ZNF341: variants seen among roughly 807,000 people sequenced by gnomAD.
ZNF341 encodes zinc finger protein 341.
A neutral mutation model predicts 87.7 loss-of-function variants in ZNF341; 52 were observed. The observed-to-expected ratio is 0.59, with a 90% CI of 0.47 to 0.75. The LOEUF is 0.75. Ranked by LOEUF, ZNF341 falls within the 30% of genes least tolerant of loss-of-function variation. The pLI is 0.00. For missense variants in ZNF341, 977 were observed against 1,145.9 expected, an observed-to-expected ratio of 0.85 and a Z score of 2.13; for synonymous variants, 459 against 472.7, an observed-to-expected ratio of 0.97 and a Z score of 0.38.
intron 14 of ZNF341, among the ~76,000 whole-genome samples, chr20:33,790,299 C>T (rs978953244): frequency 6.6e-6 from 1 of 152,126 alleles, no homozygotes; most frequent in Non-Finnish European, 1.5e-5. Flanking sequence ...TGTCGAACTC[C>T]TGACCTCAAG....
At position 33,745,318 on chromosome 20, in the gene ZNF341, A is replaced by G. The variant is rs2018895794; in HGVS notation, c.339+19A>G. On this transcript the variant is annotated intron_variant, in intron 3 of 14. Transcript: ENST00000375200. ...TCGCCAGGTATTTGTTCATTTATTC[A>G]TTCAACATGTCTTTTTTGAGGGCCT... 6.2e-7 allele frequency: 1 copy of G among 1,605,636 alleles called. No homozygotes were observed. The highest frequency in any genetic ancestry group is 1.3e-5 in the African/African-American group (1 of 74,800).
intron 4 of ZNF341, among the ~76,000 whole-genome samples, chr20:33,750,091 A>T (rs1394878910): frequency 2.0e-5 from 3 of 152,144 alleles, no homozygotes. Context: ...TATTAGAAAA[A>T]TAGAAAATGC....
intron 10 of ZNF341, among the ~76,000 whole-genome samples, chr20:33,775,667 T>C (rs187056255): frequency 5.3e-5 from 8 of 152,284 alleles, no homozygotes; most frequent in African/African-American, 1.4e-4. Context: ...AAAAGTGTTC[T>C]TTGTAAACCT....
At chr20:33,744,745 C>G (rs1407268308) in intron 2 of ZNF341, among the ~76,000 whole-genome samples, 1 of 152,100 alleles carries the variant, frequency 6.6e-6, no homozygotes, top group East Asian at 1.9e-4. Context: ...GCGCGCACCA[C>G]CATGCCCAGC....
chr20:33,753,456 T>C (rs1187029734), intron 5 of ZNF341, 33 bp downstream of exon 5: 1 of 1,544,486 alleles, frequency 6.5e-7, no homozygotes, highest in African/African-American at 1.4e-5. Context: ...AAGAGGACAC[T>C]GGTCATGGAC....
chr20:33,790,989 C>T lies in ZNF341; in HGVS notation c.2037C>T (p.Gly679=). ...CACTGACTTTCCCTTGCCCTCCAGG[C>T]ATGAAGCTCCACAAATGCGCCCTGT... ...KLKAHILSHS[G]MKLHKCALCS... Residue 679 remains glycine, a splice_region_variant and synonymous_variant, in exon 15 of 15, where the codon GGC becomes GGT. Coordinates refer to ENST00000375200, the MANE Select transcript of ZNF341 (RefSeq NM_001282933.2). The T allele has an allele frequency of 6.2e-7, 1 of 1,608,936 alleles. No individual in the cohort carries two copies. Among genetic ancestry groups the T allele is most frequent in the Non-Finnish European group, 8.5e-7 (1 of 1,177,120 alleles).
intron 10 of ZNF341, among the ~76,000 whole-genome samples, chr20:33,772,903 C>T (rs1201451384): frequency 6.6e-6 from 1 of 152,050 alleles, no homozygotes; most frequent in Non-Finnish European, 1.5e-5. Context: ...GGAAATGGGG[C>T]AAGAGAGGCA....
chr20:33,752,124 T>G, intron 4 of ZNF341: 3 of 383,962 alleles, frequency 7.8e-6, no homozygotes, highest in Admixed American at 7.1e-5. Context: ...CCCCCTTTTT[T>G]TTTAATTTTA....
chr20:33,751,852 A>G (rs1229195079), intron 4 of ZNF341, among the ~76,000 whole-genome samples: 1 of 152,146 alleles, frequency 6.6e-6, no homozygotes, highest in African/African-American at 2.4e-5. Context: ...TACAGGTGTT[A>G]GCCGCTGCAC....
chr20:33,775,350 C>A (rs1446895474), intron 10 of ZNF341, among the ~76,000 whole-genome samples: 2 of 151,562 alleles, frequency 1.3e-5, no homozygotes, highest in Admixed American at 1.3e-4. Context: ...GCTGCGACTA[C>A]AAGGCACCTG....
intron 2 of ZNF341, among the ~76,000 whole-genome samples, chr20:33,743,335 ATTTTTTTTTT>A (rs143611794): frequency 4.6e-5 from 5 of 108,092 alleles, no homozygotes; most frequent in African/African-American, 7.9e-5. Flanking sequence ...ACCCTGCCCA[ATTTTTTTTTT>A]TTTTTTTTTT....
rs1447282999 is a variant in ZNF341, at chr20:33,732,526, T to C, written c.31+474T>C. Among the ~76,000 whole-genome samples the C allele has an allele frequency of 6.6e-6, 1 of 152,176 alleles. No individual in the cohort carries two copies. The highest frequency in any genetic ancestry group is 1.5e-5 in the Non-Finnish European group (1 of 68,028). On this transcript the variant is annotated intron_variant, in intron 1 of 14. Coordinates refer to ENST00000375200, the MANE Select transcript of ZNF341 (RefSeq NM_001282933.2). The surrounding 1 kb of genome is among the most constrained non-coding windows in gnomAD (Gnocchi z 4.5). ...GTATGCCTCGTGCTAGGACGTAGTC[T>C]CAAAATCAGACCACAGCAGCAGAGG...
At chr20:33,736,341 TTTA>T (rs2018684840) in intron 1 of ZNF341, among the ~76,000 whole-genome samples, 2 of 152,028 alleles carry the variant, frequency 1.3e-5, no homozygotes, top group South Asian at 4.2e-4. Context: ...CTACCTTGCC[TTTA>T]ACCTCCAAAC....
intron 7 of ZNF341, among the ~76,000 whole-genome samples, chr20:33,760,344 A>G (rs537731534): frequency 3.3e-5 from 5 of 152,240 alleles, no homozygotes; most frequent in Admixed American, 3.3e-4. Flanking sequence ...CAGAGGTTGC[A>G]GTGAGCTGAG....
intron 1 of ZNF341, among the ~76,000 whole-genome samples, chr20:33,733,868 T>C (rs1056545659): frequency 2.6e-5 from 4 of 152,136 alleles, no homozygotes; most frequent in Admixed American, 2.0e-4. Context: ...GAAAAGGTCA[T>C]GTAGAATAAG....
At position 33,775,231 on chromosome 20, in the gene ZNF341, A is replaced by G. The variant is rs559354028; in HGVS notation, c.1622+4939A>G. Reference sequence around the variant, plus strand: ...GGTTTTGTTTTTTTTTTTTTTTGAGATGGAGTCTCGCTCTGTTGCCCAGGC... The same window carrying G: ...GGTTTTGTTTTTTTTTTTTTTTGAGGTGGAGTCTCGCTCTGTTGCCCAGGC... On this transcript the variant is annotated intron_variant, in intron 10 of 14. Transcript: ENST00000375200. 1.3e-4 allele frequency among the ~76,000 whole-genome samples: 19 copies of G among 143,710 alleles called. No homozygotes were observed. In the Middle Eastern group the frequency reaches 0.018, roughly 138 times the overall value. The allele number at this position is 143,710 out of a possible 152,430, so 94.3% of individuals were successfully genotyped here.
At chr20:33,764,561 A>ATATATATATAT (rs1266929824) in intron 8 of ZNF341, among the ~76,000 whole-genome samples, 1 of 28,402 alleles carries the variant, frequency 3.5e-5, no homozygotes, top group African/African-American at 1.1e-4. Flanking sequence ...ATATATATAT[A>ATATATATATAT]TTTTTTTTTT....
At chr20:33,752,825 G>A (rs777038750) in intron 4 of ZNF341, among the ~76,000 whole-genome samples, 1 of 151,626 alleles carries the variant, frequency 6.6e-6, no homozygotes, top group Non-Finnish European at 1.5e-5. Flanking sequence ...CTAATTTTTT[G>A]TATTTTTAGT....
chr20:33,732,931 T>C lies in ZNF341; in HGVS notation c.31+879T>C, dbSNP rs1314875110. Among the ~76,000 whole-genome samples the C allele has an allele frequency of 6.6e-6, 1 of 152,168 alleles. No homozygotes were observed. Among genetic ancestry groups the C allele is most frequent in the Non-Finnish European group, 1.5e-5 (1 of 68,030 alleles). On this transcript the variant is annotated intron_variant, in intron 1 of 14. Coordinates refer to ENST00000375200, the MANE Select transcript of ZNF341 (RefSeq NM_001282933.2). This position sits in a 1 kb window ranked among gnomAD's most constrained non-coding sequence, Gnocchi z 4.5. ...GGGAAATACAGACCAAGAATGGTCT[T>C]GGAGGAGTGGGATGAGATGAGTATA...
Sources: gnomAD v4.1 joint callset for allele counts (sites outside exome capture counted in the v4.1 genomes callset) on GRCh38, gnomAD v4.1.1 for gene constraint, Gnocchi (gnomAD v3.1) non-coding constraint, MANE v1.5 for transcripts, NCBI Gene and HGNC (gene_info 2026-07-23, HGNC 2026-07-21) for gene names.